The following FRMD4B variants were observed in gnomAD, a reference collection of about 807,000 sequenced individuals.
FRMD4B encodes FERM domain containing 4B, also known as FERM domain-containing protein 4B.
A neutral mutation model predicts 141.5 loss-of-function variants in FRMD4B; 74 were observed. The observed-to-expected ratio is 0.52, with a 90% CI of 0.43 to 0.63. FRMD4B has a LOEUF of 0.63. Ranked by LOEUF, FRMD4B falls within the 30% of genes least tolerant of loss-of-function variation. The pLI, the probability that FRMD4B is intolerant of heterozygous loss-of-function variation, is 0.00. For missense variants in FRMD4B, 1,366 were observed against 1,253.4 expected (o/e 1.09, Z -1.36); for synonymous variants, 506 against 467.9 (o/e 1.08, Z -1.05).
chr3:69,323,433 G>T (rs1040935660), intron 1 of FRMD4B, among the ~76,000 whole-genome samples: 15 of 151,408 alleles, frequency 9.9e-5, no homozygotes, highest in Non-Finnish European at 2.1e-4. Context: ...GCTCGGCATG[G>T]TAGCGCATGC....
intron 1 of FRMD4B, among the ~76,000 whole-genome samples, chr3:69,450,680 G>A (rs1705483060): frequency 6.6e-6 from 1 of 151,610 alleles, no homozygotes; most frequent in African/African-American, 2.4e-5. Flanking sequence ...CTTGAACCCA[G>A]GAGGCGGAAG....
chr3:69,175,238 A>G (rs1415482220), intron 22 of FRMD4B, among the ~76,000 whole-genome samples: 3 of 152,216 alleles, frequency 2.0e-5, no homozygotes, highest in Non-Finnish European at 4.4e-5. Flanking sequence ...ACTTAAATCA[A>G]AACTACACAT....
intron 21 of FRMD4B, among the ~76,000 whole-genome samples, chr3:69,180,096 C>A (rs1199756456): frequency 6.6e-6 from 1 of 152,030 alleles, no homozygotes; most frequent in East Asian, 1.9e-4. Flanking sequence ...TATATGAATA[C>A]TGAATTACAA....
intron 1 of FRMD4B, among the ~76,000 whole-genome samples, chr3:69,447,296 G>T (rs1295926792): frequency 1.3e-5 from 2 of 152,102 alleles, no homozygotes; most frequent in Non-Finnish European, 2.9e-5. Context: ...TCATATATGT[G>T]AAGATGAGAC....
chr3:69,490,960 A>G (rs1314615190), intron 1 of FRMD4B, among the ~76,000 whole-genome samples: 1 of 152,198 alleles, frequency 6.6e-6, no homozygotes, highest in African/African-American at 2.4e-5. Context: ...AATTTCCTTA[A>G]CAACAATTTT....
rs188061687 is a variant in FRMD4B, at chr3:69,424,844, C to T, written c.-1+7790G>A. 1.6e-4 allele frequency among the ~76,000 whole-genome samples: 24 copies of T among 152,130 alleles called. No individual in the cohort carries two copies. In the East Asian group the frequency reaches 4.6e-3, roughly 29 times the overall value. On this transcript the variant is annotated intron_variant, in intron 2 of 5. Transcript: ENST00000459638. The stretch of plus-strand genomic sequence containing the variant: ...CTGAAGCTGATTTCAAGAGGCAAAG[C>T]TAAAATAATGAATGTAAGATTCTAA...
At chr3:69,174,814 C>T (rs2092625391) in intron 22 of FRMD4B, among the ~76,000 whole-genome samples, 1 of 152,086 alleles carries the variant, frequency 6.6e-6, no homozygotes, top group African/African-American at 2.4e-5. Context: ...TAAAATTACA[C>T]AAACACGAAA....
chr3:69,313,419 T>G, intron 2 of FRMD4B, 33 bp downstream of exon 2: 2 of 1,494,726 alleles, frequency 1.3e-6, no homozygotes, highest in Non-Finnish European at 1.8e-6. Flanking sequence ...GGGCAAGACT[T>G]ATCTGGGCAA....
intron 1 of FRMD4B, among the ~76,000 whole-genome samples, chr3:69,366,515 CTG>C (rs1184614743): frequency 2.2e-5 from 3 of 133,744 alleles, no homozygotes; most frequent in African/African-American, 8.9e-5. Context: ...GATCTCACCT[CTG>C]TAAAAATTTA....
intron 1 of FRMD4B, among the ~76,000 whole-genome samples, chr3:69,477,263 G>T (rs1038086357): frequency 1.3e-5 from 2 of 151,298 alleles, no homozygotes; most frequent in African/African-American, 4.9e-5. Context: ...TGGTGAGAGA[G>T]GGCATCCCTG....
intron 1 of FRMD4B, among the ~76,000 whole-genome samples, chr3:69,540,787 G>A (rs1441845325): frequency 6.6e-6 from 1 of 151,254 alleles, no homozygotes; most frequent in Non-Finnish European, 1.5e-5. Flanking sequence ...TAAGAGCCTG[G>A]CATCTGAAAT....
intron 7 of FRMD4B, among the ~76,000 whole-genome samples, chr3:69,232,978 T>C (rs1448735259): frequency 1.3e-5 from 2 of 149,712 alleles, no homozygotes. Flanking sequence ...TTTCAAACCC[T>C]TGGGCTCAAG....
intron 1 of FRMD4B, among the ~76,000 whole-genome samples, chr3:69,454,769 C>T (rs62252290): frequency 0.26 from 39,113 of 152,174 alleles, 5,643 homozygotes; most frequent in East Asian, 0.45. Context: ...CCCCCTGCTC[C>T]GTGGCACCAG....
At chr3:69,319,519 C>A (rs1383412908) in intron 1 of FRMD4B, among the ~76,000 whole-genome samples, 1 of 152,144 alleles carries the variant, frequency 6.6e-6, no homozygotes, top group Non-Finnish European at 1.5e-5. Context: ...GAAAAATTCT[C>A]CAGAGCTGCT....
At chr3:69,324,168 G>T (rs1191797321) in intron 1 of FRMD4B, among the ~76,000 whole-genome samples, 2 of 152,172 alleles carry the variant, frequency 1.3e-5, no homozygotes, top group African/African-American at 4.8e-5. Context: ...CCACCTGTTG[G>T]GATGCTTCCA....
intron 5 of FRMD4B, among the ~76,000 whole-genome samples, chr3:69,285,815 C>T (rs1478727403): frequency 2.0e-5 from 3 of 151,526 alleles, no homozygotes; most frequent in Non-Finnish European, 4.4e-5. Flanking sequence ...CTGCACTTCA[C>T]CCTGGGCAAC....
chr3:69,286,428 G>C (rs575524241), intron 5 of FRMD4B, among the ~76,000 whole-genome samples: 4 of 151,660 alleles, frequency 2.6e-5, no homozygotes, highest in African/African-American at 7.3e-5. Context: ...CATGTGAAGT[G>C]GTATAATATC....
Position 69,221,843 on chromosome 3 carries a change from A to AG in FRMD4B, c.731+14dup. 7.3e-7 allele frequency: 1 copy of AG among 1,374,998 alleles called. No homozygotes were observed. The highest frequency in any genetic ancestry group is 1.0e-6 in the Non-Finnish European group (1 of 970,240). The allele number at this position is 1,374,998 out of a possible 1,614,324, so 85.2% of individuals were successfully genotyped here. A position where few individuals can be genotyped will look rare whatever the true frequency, so the allele number is the denominator to read the frequency against. ...GATATTAAAATTATATCTAAGCAAA[A>AG]GGAAAGATACTTACTGAACCACAGC... is the stretch of plus-strand genomic sequence containing the variant. On this transcript the variant is annotated intron_variant, in intron 9 of 22. Transcript: ENST00000398540.
At chr3:69,178,508 T>C (rs1381727889) in intron 21 of FRMD4B, among the ~76,000 whole-genome samples, 1 of 151,768 alleles carries the variant, frequency 6.6e-6, no homozygotes, top group Non-Finnish European at 1.5e-5. Context: ...GCCCAGTCTC[T>C]ACAAAAAAAT....
Sources: allele counts gnomAD v4.1 joint callset (sites outside exome capture counted in the v4.1 genomes callset), GRCh38; gene constraint gnomAD v4.1.1; transcripts MANE v1.5; gene names NCBI Gene and HGNC (gene_info 2026-07-23, HGNC 2026-07-21).